The following CCSER2 variants were observed in gnomAD, a reference collection of about 807,000 sequenced individuals.
The protein encoded by CCSER2 is coiled-coil serine rich protein 2.
Under a neutral mutation model 92.3 loss-of-function variants are expected in CCSER2, and 46 were observed. That is an observed-to-expected ratio of 0.50 (90% CI 0.39 to 0.64). The LOEUF is 0.64. Among genes scored for constraint, CCSER2 ranks in the 30% least tolerant of loss-of-function variants. The pLI, the probability that CCSER2 is intolerant of heterozygous loss-of-function variation, is 0.00. For synonymous variants in CCSER2, 433 were observed against 431.4 expected (o/e 1.00, Z -0.04); for missense variants, 1,244 against 1,238.9 (o/e 1.00, Z -0.06).
chr10:84,372,388 C>T lies in CCSER2; in HGVS notation c.1336C>T (p.Pro446Ser), dbSNP rs762174831. The change falls in exon 2 of 10, where the codon CCA becomes TCA. Residue 446 changes from proline to serine, a missense_variant. By Grantham distance (74) the Pro-to-Ser change is moderately conservative. Transcript: ENST00000372088. ...AGAAGAGAAACATGAAAATGGGCCA[C>T]CACAGGATATGTTTGATTCCCCCAA... ...LKEEKHENGPPQDMFDSPKEN... is the reference protein window; with the variant it reads ...LKEEKHENGPSQDMFDSPKEN... 3 of 1,610,524 alleles carry T rather than the reference C, an allele frequency of 1.9e-6. No homozygotes were observed. The highest frequency in any genetic ancestry group is 2.2e-5 in the South Asian group (2 of 90,102).
chr10:84,504,079 G>A (rs909736083), intron 9 of CCSER2, among the ~76,000 whole-genome samples: 1 of 151,872 alleles, frequency 6.6e-6, no homozygotes, highest in African/African-American at 2.4e-5. Flanking sequence ...AAGATTCATG[G>A]GACAATACTT....
chr10:84,503,934 G>T (rs978381063), intron 9 of CCSER2, among the ~76,000 whole-genome samples: 2 of 152,134 alleles, frequency 1.3e-5, no homozygotes, highest in African/African-American at 4.8e-5. Context: ...ATTTCAGGGG[G>T]TGTTTCACAA....
intron 9 of CCSER2, among the ~76,000 whole-genome samples, chr10:84,510,190 T>C (rs1266780368): frequency 6.6e-6 from 1 of 152,186 alleles, no homozygotes. Context: ...GACCAGAACA[T>C]GGCATGTTCT....
chr10:84,491,066 A>C (rs1403801627), intron 9 of CCSER2, among the ~76,000 whole-genome samples: 1 of 152,224 alleles, frequency 6.6e-6, no homozygotes, highest in African/African-American at 2.4e-5. Context: ...ATATTGCTGA[A>C]CAGCAAATGT....
At chr10:84,488,649 G>A (rs1275224677) in intron 9 of CCSER2, among the ~76,000 whole-genome samples, 3 of 151,866 alleles carry the variant, frequency 2.0e-5, no homozygotes, top group Admixed American at 6.6e-5. Flanking sequence ...TATTAGTCTT[G>A]CTAGCAGTAT....
At chr10:84,400,131 A>G (rs1431534874) in intron 3 of CCSER2, among the ~76,000 whole-genome samples, 3 of 152,102 alleles carry the variant, frequency 2.0e-5, no homozygotes, top group Admixed American at 6.6e-5. Context: ...TCTTGATACC[A>G]GATTCTTATC....
At chr10:84,414,907 T>C (rs1258225504) in intron 3 of CCSER2, among the ~76,000 whole-genome samples, 1 of 152,172 alleles carries the variant, frequency 6.6e-6, no homozygotes, top group Non-Finnish European at 1.5e-5. Context: ...GTCTTTAAGC[T>C]CTGAGATTCT....
chr10:84,399,171 C>T (rs1841990167), intron 3 of CCSER2, among the ~76,000 whole-genome samples: 1 of 152,114 alleles, frequency 6.6e-6, no homozygotes, highest in Non-Finnish European at 1.5e-5. Flanking sequence ...AAATTCTAAG[C>T]CCTCACCTCC....
intron 1 of CCSER2, among the ~76,000 whole-genome samples, chr10:84,365,560 T>A (rs1279026172): frequency 6.6e-6 from 1 of 152,256 alleles, no homozygotes; most frequent in Non-Finnish European, 1.5e-5. Flanking sequence ...TAGAAATCGT[T>A]ATTCTTCATA....
chr10:84,332,843 T>A (rs1564572146), intron 1 of CCSER2, among the ~76,000 whole-genome samples: 1 of 152,084 alleles, frequency 6.6e-6, no homozygotes, highest in Non-Finnish European at 1.5e-5. Context: ...TGTCCTTTGA[T>A]TGTGTTTTTT....
chr10:84,391,798 G>C, intron 3 of CCSER2: 1 of 1,566,256 alleles, frequency 6.4e-7, no homozygotes, highest in Non-Finnish European at 8.8e-7. Context: ...AGACAATGAG[G>C]AAAAGGATTC....
In CCSER2 at chr10:84,371,617, A is replaced by G. The variant is rs1354325081; in HGVS notation, c.565A>G (p.Arg189Gly). 1.2e-6 allele frequency: 2 copies of G among 1,613,678 alleles called. No homozygotes were observed. The highest frequency in any genetic ancestry group is 1.3e-5 in the African/African-American group (1 of 75,052). Residue 189 changes from arginine to glycine, a missense_variant, in exon 2 of 10, where the codon AGA becomes GGA. Arg to Gly is a moderately radical substitution (Grantham distance 125, BLOSUM62 -2). Coordinates refer to ENST00000372088, the MANE Select transcript of CCSER2 (RefSeq NM_001284240.2). ...ATCAGCTGGTAGCATGCAAAGGCCT[A>G]GAGCGAACTCCTGTGCCACCAGAAG... ...NRSAGSMQRP[R>G]ANSCATRSSS...
chr10:84,459,317 A>G (rs1288331255), intron 6 of CCSER2, among the ~76,000 whole-genome samples: 1 of 152,028 alleles, frequency 6.6e-6, no homozygotes, highest in Non-Finnish European at 1.5e-5. Context: ...TCTACACCAT[A>G]CATTCTGTGT....
intron 3 of CCSER2, among the ~76,000 whole-genome samples, chr10:84,405,511 A>G (rs1041187229): frequency 2.0e-5 from 3 of 152,222 alleles, no homozygotes; most frequent in African/African-American, 7.2e-5. Context: ...AAGAAACAAT[A>G]AAAAGTTAAA....
Position 84,514,126 on chromosome 10 carries a change from A to G in CCSER2, c.3003A>G (p.Gln1001=), listed in dbSNP as rs191268735. ...CAAACAGCCCCCAACTAGAGCCTCA[A>G]AGCTTCCAGGCCAAGACAAGCATCC... ...KQTNSPQLEP[Q]SFQAKTSIPR... is the part of the protein sequence containing the mutation. The change falls in exon 10 of 10, where the codon CAA becomes CAG. Residue 1001 remains glutamine, a synonymous_variant. Coordinates refer to ENST00000372088, the MANE Select transcript of CCSER2 (RefSeq NM_001284240.2). The G allele has an allele frequency of 6.5e-7, 1 of 1,536,250 alleles. No individual in the cohort carries two copies. Among genetic ancestry groups the G allele is most frequent in the East Asian group, 2.4e-5 (1 of 40,920 alleles).
chr10:84,407,879 G>A (rs1208517369), intron 3 of CCSER2, among the ~76,000 whole-genome samples: 1 of 152,060 alleles, frequency 6.6e-6, no homozygotes, highest in Non-Finnish European at 1.5e-5. Context: ...TGTACCAAAA[G>A]TATTTGAAAA....
intron 6 of CCSER2, among the ~76,000 whole-genome samples, chr10:84,461,921 T>C (rs1424200674): frequency 6.6e-6 from 1 of 152,224 alleles, no homozygotes; most frequent in African/African-American, 2.4e-5. Context: ...ATCTTTATTT[T>C]ATTTTGTTTT....
intron 1 of CCSER2, among the ~76,000 whole-genome samples, chr10:84,338,078 C>T (rs534324042): frequency 8.2e-4 from 124 of 152,074 alleles, no homozygotes; most frequent in Non-Finnish European, 1.4e-3. Context: ...GTCAGGAGTT[C>T]GAGACCAGCA....
At chr10:84,458,802 T>C (rs2133640416) in intron 6 of CCSER2, among the ~76,000 whole-genome samples, 1 of 152,278 alleles carries the variant, frequency 6.6e-6, no homozygotes, top group Middle Eastern at 3.4e-3. Flanking sequence ...ATATATTTAA[T>C]ATACAGAGTC....
Sources: gnomAD v4.1 joint callset for allele counts (sites outside exome capture counted in the v4.1 genomes callset) on GRCh38, gnomAD v4.1.1 for gene constraint, MANE v1.5 for transcripts, NCBI Gene and HGNC (gene_info 2026-07-23, HGNC 2026-07-21) for gene names.